The following DNAAF9 variants were observed in gnomAD, a reference collection of about 807,000 sequenced individuals.
DNAAF9 encodes the protein dynein axonemal assembly factor 9, also known as shulin.
DNAAF9 carries 90 observed loss-of-function variants against 167.0 expected under a neutral mutation model. The ratio of observed to expected loss-of-function variants is 0.54; its 90% CI spans 0.45 to 0.64. The LOEUF (loss-of-function observed/expected upper bound fraction) is 0.64. Ranked by LOEUF, DNAAF9 falls within the 30% of genes least tolerant of loss-of-function variation. The pLI, the probability that DNAAF9 is intolerant of heterozygous loss-of-function variation, is 0.00. For synonymous variants in DNAAF9, 491 were observed against 508.8 expected, an observed-to-expected ratio of 0.96 and a Z score of 0.47; for missense variants, 1,315 against 1,442.2, an observed-to-expected ratio of 0.91 and a Z score of 1.43.
intron 16 of DNAAF9, among the ~76,000 whole-genome samples, chr20:3,320,337 G>C (rs546205504): frequency 1.3e-5 from 2 of 152,190 alleles, no homozygotes; most frequent in African/African-American, 4.8e-5. Context: ...GGAAGGCTTT[G>C]GGGAGGATAT....
At chr20:3,322,409 T>G (rs945573620) in intron 15 of DNAAF9, 147 bp from the exon 16 acceptor site, 1 of 763,694 alleles carries the variant, frequency 1.3e-6, no homozygotes, top group East Asian at 2.5e-5. Context: ...TGCATGTCTG[T>G]AGAATTGGTA....
rs1568610188 is a variant in DNAAF9, at chr20:3,332,894, G to GT, written c.982-534_982-533insA. Among the ~76,000 whole-genome samples the GT allele has an allele frequency of 1.0e-3, 80 of 79,798 alleles. No individual in the cohort carries two copies. The East Asian group carries it at 0.015, about 15-fold the overall frequency. 52.4% of individuals were successfully genotyped at this position (79,798 alleles called of 152,430 possible). On this transcript the variant is annotated intron_variant, in intron 10 of 36. Transcript: ENST00000252032. ...TGCGTGCATGCGTGTGTGCGTGTGT[G>GT]CGTGTGGTGTGTGTGTGTGTGTGTG...
intron 35 of DNAAF9, among the ~76,000 whole-genome samples, chr20:3,254,307 G>A (rs6051681): frequency 0.24 from 36,596 of 151,958 alleles, 4,839 homozygotes; most frequent in African/African-American, 0.34. Flanking sequence ...TTGAACTCCT[G>A]ACCTCAAGTG....
chr20:3,394,942 C>CTTT (rs1258382355), intron 1 of DNAAF9, among the ~76,000 whole-genome samples: 1,578 of 88,916 alleles, frequency 0.018, 225 homozygotes, highest in Non-Finnish European at 0.024. Flanking sequence ...TGAACATTTT[C>CTTT]TTTTTTCTTT....
chr20:3,374,217 GA>G, intron 5 of DNAAF9, 63 bp from the exon 6 acceptor site: 2 of 1,124,106 alleles, frequency 1.8e-6, no homozygotes, highest in Non-Finnish European at 2.7e-6. Flanking sequence ...GTCTAAACCT[GA>G]CCTAACATGG....
intron 20 of DNAAF9, among the ~76,000 whole-genome samples, chr20:3,312,528 T>C (rs2069432757): frequency 6.6e-6 from 1 of 152,152 alleles, no homozygotes; most frequent in Non-Finnish European, 1.5e-5. Context: ...TAATGCATCC[T>C]GAGGAGCTGA....
chr20:3,361,213 G>A, intron 6 of DNAAF9, among the ~76,000 whole-genome samples: 1 of 152,186 alleles, frequency 6.6e-6, no homozygotes, highest in East Asian at 1.9e-4. Context: ...TAAAGGTGGG[G>A]GAGAGAAGAT....
chr20:3,362,014 C>A (rs551358227), intron 6 of DNAAF9: 27 of 1,514,228 alleles, frequency 1.8e-5, no homozygotes, highest in Admixed American at 3.4e-5. Context: ...ACTGGTATGG[C>A]TCTTGGGTCC....
intron 30 of DNAAF9, among the ~76,000 whole-genome samples, chr20:3,269,970 AAC>A (rs1182904242): frequency 6.6e-6 from 1 of 151,360 alleles, no homozygotes; most frequent in African/African-American, 2.4e-5. Flanking sequence ...AAAAAAAAAA[AAC>A]ACTTCAAAAA....
At chr20:3,362,265 T>C in intron 6 of DNAAF9, 1 of 1,320,240 alleles carries the variant, frequency 7.6e-7, no homozygotes, top group Non-Finnish European at 1.1e-6. Context: ...TTTCTTCGAG[T>C]TCTTCCAACA....
At chr20:3,340,433 T>TCCAC in intron 10 of DNAAF9, 71 bp downstream of exon 10, 1 of 221,214 alleles carries the variant, frequency 4.5e-6, no homozygotes, top group Non-Finnish European at 9.5e-6. Context: ...TTTGTCTAGC[T>TCCAC]CCCCCCACCC....
chr20:3,319,096 A>G (rs1197051200), intron 16 of DNAAF9, among the ~76,000 whole-genome samples: 51 of 121,040 alleles, frequency 4.2e-4, no homozygotes, highest in African/African-American at 1.1e-3. Flanking sequence ...AAAAAAAAAA[A>G]AAAAAAAAGA....
chr20:3,310,817 A>G (rs2069402118), intron 20 of DNAAF9, among the ~76,000 whole-genome samples: 1 of 152,206 alleles, frequency 6.6e-6, no homozygotes, highest in African/African-American at 2.4e-5. Flanking sequence ...CGGTTCACTA[A>G]TAATAAGAGA....
intron 27 of DNAAF9, among the ~76,000 whole-genome samples, chr20:3,286,075 A>C (rs2068848893): frequency 6.6e-6 from 1 of 152,218 alleles, no homozygotes; most frequent in South Asian, 2.1e-4. Context: ...CATCACCAAC[A>C]ACCTAAATAA....
At chr20:3,366,669 A>C (rs1049361553) in intron 6 of DNAAF9, among the ~76,000 whole-genome samples, 6 of 152,194 alleles carry the variant, frequency 3.9e-5, no homozygotes, top group Admixed American at 3.9e-4. Flanking sequence ...TCACACATGT[A>C]ATCCCAGGAC....
At chr20:3,352,848 A>ATT (rs2070351458) in intron 7 of DNAAF9, among the ~76,000 whole-genome samples, 1 of 81,552 alleles carries the variant, frequency 1.2e-5, no homozygotes, top group Admixed American at 1.1e-4. Flanking sequence ...CAAAATATTT[A>ATT]TATATATATA....
At chr20:3,274,966 C>T (rs80326581) in intron 29 of DNAAF9, among the ~76,000 whole-genome samples, 107 of 152,320 alleles carry the variant, frequency 7.0e-4, no homozygotes, top group African/African-American at 2.5e-3. Context: ...TACCTGTGTT[C>T]GCATGGCCAT....
intron 20 of DNAAF9, among the ~76,000 whole-genome samples, chr20:3,305,611 G>A (rs1406992454): frequency 2.0e-5 from 3 of 152,252 alleles, no homozygotes; most frequent in Non-Finnish European, 4.4e-5. Context: ...CACATCCTGG[G>A]TGAGGAATCT....
intron 17 of DNAAF9, among the ~76,000 whole-genome samples, 170 bp downstream of exon 17, chr20:3,318,119 T>C (rs1405546600): frequency 6.7e-5 from 10 of 149,834 alleles, no homozygotes; most frequent in Non-Finnish European, 7.4e-5. Flanking sequence ...TTTTTTTTTT[T>C]TGATACGGGG....
Sources: gnomAD v4.1 joint callset for allele counts (sites outside exome capture counted in the v4.1 genomes callset) on GRCh38, gnomAD v4.1.1 for gene constraint, MANE v1.5 for transcripts, NCBI Gene and HGNC (gene_info 2026-07-23, HGNC 2026-07-21) for gene names.